The following NELL2 variants were observed in gnomAD, a reference collection of about 807,000 sequenced individuals.
The protein encoded by NELL2 is protein kinase C-binding protein NELL2.
Under a neutral mutation model 109.6 loss-of-function variants are expected in NELL2, and 41 were observed. The ratio of observed to expected loss-of-function variants is 0.37; its 90% confidence interval spans 0.29 to 0.49. The LOEUF (loss-of-function observed/expected upper bound fraction) is 0.49. NELL2 is among the 20% of genes least tolerant of loss of function. The pLI, the probability that NELL2 is intolerant of heterozygous loss-of-function variation, is 0.98. For missense variants in NELL2, 900 were observed against 1,008.3 expected (o/e 0.89, Z 1.45); for synonymous variants, 355 against 344.7 (o/e 1.03, Z -0.33).
chr12:44,841,200 T>C (rs1566510557), intron 2 of NELL2, among the ~76,000 whole-genome samples: 1 of 152,198 alleles, frequency 6.6e-6, no homozygotes, highest in Non-Finnish European at 1.5e-5. Context: ...CATTTCAAAA[T>C]TGCTTCGACC....
intron 15 of NELL2, among the ~76,000 whole-genome samples, chr12:44,590,374 G>C (rs1206621309): frequency 6.6e-6 from 1 of 152,114 alleles, no homozygotes; most frequent in Non-Finnish European, 1.5e-5. Context: ...AAGTCCCTGT[G>C]AATGTCACAG....
chr12:44,745,298 T>A (rs1940271812), intron 9 of NELL2, among the ~76,000 whole-genome samples: 1 of 152,114 alleles, frequency 6.6e-6, no homozygotes, highest in Non-Finnish European at 1.5e-5. Context: ...ATGGGACGTA[T>A]CTCAAAATAA....
intron 15 of NELL2, among the ~76,000 whole-genome samples, chr12:44,583,981 C>T (rs1485208899): frequency 2.6e-5 from 4 of 152,110 alleles, no homozygotes; most frequent in Non-Finnish European, 4.4e-5. Context: ...GCCATGTTGC[C>T]CAGTCTGGCC....
intron 19 of NELL2, among the ~76,000 whole-genome samples, chr12:44,509,942 GA>G (rs1384215893): frequency 6.6e-6 from 1 of 151,872 alleles, no homozygotes; most frequent in Non-Finnish European, 1.5e-5. Context: ...TTAAGAAACT[GA>G]AAAAAAGCTT....
intron 13 of NELL2, among the ~76,000 whole-genome samples, chr12:44,632,762 A>T (rs1946503020): frequency 6.6e-6 from 1 of 152,108 alleles, no homozygotes; most frequent in Non-Finnish European, 1.5e-5. Flanking sequence ...TTCTTTTATT[A>T]TCTGTGGAAG....
At chr12:44,634,281 T>C (rs543664256) in intron 13 of NELL2, among the ~76,000 whole-genome samples, 5 of 152,278 alleles carry the variant, frequency 3.3e-5, no homozygotes, top group African/African-American at 9.6e-5. Flanking sequence ...CATCAACCCG[T>C]CATCTACATT....
At position 44,624,993 on chromosome 12, in the gene NELL2, T is replaced by G. The variant is rs971929350; in HGVS notation, c.1445-14023A>C. 6.6e-4 allele frequency among the ~76,000 whole-genome samples: 46 copies of G among 69,472 alleles called. 1 individual carries two copies. The highest frequency in any genetic ancestry group is 6.6e-3 in the Admixed American group (46 of 6,996). 45.6% of individuals were successfully genotyped at this position (69,472 alleles called of 152,430 possible). ...AAGATGACAAATATATATATATGTGTGTGTATATATATATATATATATATA... is the reference window on the plus strand; with the variant it reads ...AAGATGACAAATATATATATATGTGGGTGTATATATATATATATATATATA... On this transcript the variant is annotated intron_variant, in intron 13 of 19. Coordinates refer to ENST00000429094, the MANE Select transcript of NELL2 (RefSeq NM_001145108.2).
At chr12:44,576,882 T>C (rs1592145111) in intron 15 of NELL2, among the ~76,000 whole-genome samples, 1 of 149,848 alleles carries the variant, frequency 6.7e-6, no homozygotes, top group East Asian at 2.0e-4. Context: ...AACTCATCAT[T>C]TTTTATGGCT....
At chr12:44,916,595 C>A (rs1014254595), upstream of NELL2, among the ~76,000 whole-genome samples, 30 of 152,126 alleles carry the variant, frequency 2.0e-4, no homozygotes, top group African/African-American at 7.2e-4. Flanking sequence ...ACCTTCCTTG[C>A]ACTCCTCATT....
At chr12:44,903,793 T>C (rs1197504011) in intron 1 of NELL2, among the ~76,000 whole-genome samples, 2 of 143,404 alleles carry the variant, frequency 1.4e-5, no homozygotes, top group Non-Finnish European at 3.0e-5. Flanking sequence ...CAGGAACAGA[T>C]AACCAAACAC....
chr12:44,787,779 T>A lies in NELL2; in HGVS notation c.336-7757A>T, dbSNP rs549037470. Among the ~76,000 whole-genome samples the A allele has an allele frequency of 5.9e-5, 9 of 152,202 alleles. No individual in the cohort carries two copies. The East Asian group carries it at 1.7e-3, about 29-fold the overall frequency. On this transcript the variant is annotated intron_variant, in intron 3 of 19. Coordinates refer to ENST00000429094, the MANE Select transcript of NELL2 (RefSeq NM_001145108.2). Reference sequence around the variant, plus strand: ...TAAGGGAAAAAAAAAAATTTTAACTTCAGTCTCACACTTCATGCAAAAATT... The same window carrying A: ...TAAGGGAAAAAAAAAAATTTTAACTACAGTCTCACACTTCATGCAAAAATT...
At chr12:44,877,577 G>C (rs1174845583), upstream of NELL2, among the ~76,000 whole-genome samples, 1 of 152,150 alleles carries the variant, frequency 6.6e-6, no homozygotes, top group African/African-American at 2.4e-5. Flanking sequence ...GGTAGTCTGA[G>C]CCCCCTGCAA....
intron 13 of NELL2, among the ~76,000 whole-genome samples, chr12:44,648,233 T>C (rs142760618): frequency 6.4e-4 from 97 of 152,294 alleles, no homozygotes; most frequent in African/African-American, 2.1e-3. Flanking sequence ...GTTAAATATG[T>C]TTCGAATTTA....
In NELL2 at chr12:44,532,624, G is replaced by A. The variant is rs1942127008; in HGVS notation, c.1761C>T (p.Tyr587=). The change falls in exon 16 of 20, where the codon TAC becomes TAT. Residue 587 remains tyrosine (Y), a synonymous_variant. Transcript: ENST00000429094. ...GWYHCECRDG[Y]HDNGMFSPSG... is the part of the protein sequence containing the mutation. ...TTGGTGAAAACATCCCATTGTCATG[G>A]TAGCCATCTCTGCACTCACAGTGGT... The A allele has an allele frequency of 6.2e-7, 1 of 1,613,376 alleles. No individual in the cohort carries two copies. The highest frequency in any genetic ancestry group is 1.1e-5 in the South Asian group (1 of 91,040).
chr12:44,612,360 C>A (rs184114545), intron 13 of NELL2, among the ~76,000 whole-genome samples: 22 of 151,882 alleles, frequency 1.4e-4, no homozygotes, highest in Admixed American at 8.5e-4. Context: ...GAGATTATTC[C>A]CAATAATCCT....
chr12:44,788,067 G>A (rs1942246178), intron 3 of NELL2, among the ~76,000 whole-genome samples: 1 of 152,052 alleles, frequency 6.6e-6, no homozygotes, highest in Admixed American at 6.6e-5. Flanking sequence ...TCTGACAAAG[G>A]ACTACTATCT....
At chr12:44,863,654 C>T (rs1489206149) in intron 2 of NELL2, among the ~76,000 whole-genome samples, 1 of 152,056 alleles carries the variant, frequency 6.6e-6, no homozygotes, top group Non-Finnish European at 1.5e-5. Flanking sequence ...ACAAGAAATG[C>T]TAAAGGGAGT....
intron 15 of NELL2, among the ~76,000 whole-genome samples, chr12:44,596,323 TCAGAA>T (rs1396348340): frequency 6.6e-6 from 1 of 152,196 alleles, no homozygotes; most frequent in Non-Finnish European, 1.5e-5. Context: ...AGGCCAAATA[TCAGAA>T]CAGAAAGAGC....
chr12:44,709,607 G>GT (rs1377372848), intron 11 of NELL2, among the ~76,000 whole-genome samples: 1 of 152,114 alleles, frequency 6.6e-6, no homozygotes, highest in African/African-American at 2.4e-5. Flanking sequence ...GCAATAGATA[G>GT]TTTTTTTGCA....
Sources: allele counts gnomAD v4.1 joint callset (sites outside exome capture counted in the v4.1 genomes callset), GRCh38; gene constraint gnomAD v4.1.1; transcripts MANE v1.5; gene names NCBI Gene and HGNC (gene_info 2026-07-23, HGNC 2026-07-21).